The following RSU1 variants were observed in gnomAD, a reference collection of about 807,000 sequenced individuals.
RSU1 encodes rsu-1.
RSU1 carries 26 observed loss-of-function variants against 31.1 expected under a neutral mutation model. The observed-to-expected ratio is 0.84, with a 90% CI of 0.61 to 1.16. The LOEUF is 1.16. RSU1 is among the 50% of genes most tolerant of loss of function. RSU1 has a pLI of 0.00. For synonymous variants in RSU1, 164 were observed against 136.3 expected, an observed-to-expected ratio of 1.20 and a Z score of -1.41; for missense variants, 320 against 339.1, an observed-to-expected ratio of 0.94 and a Z score of 0.44.
At position 16,808,388 on chromosome 10, in the gene RSU1, G is replaced by T. The variant is rs551327875; in HGVS notation, c.109+8585C>A. 5.3e-5 allele frequency among the ~76,000 whole-genome samples: 8 copies of T among 151,568 alleles called. No individual in the cohort carries two copies. In the South Asian group the frequency reaches 1.5e-3, roughly 28 times the overall value. The stretch of plus-strand genomic sequence containing the variant: ...AATCCCAGCTACTTGGAAGCCTAAG[G>T]CAGGAGAATCGCTGGAACCTGGGAG... On this transcript the variant is annotated intron_variant, in intron 2 of 8. Coordinates refer to ENST00000345264, the MANE Select transcript of RSU1 (RefSeq NM_012425.4).
At chr10:16,792,768 C>T (rs1033811447) in intron 2 of RSU1, among the ~76,000 whole-genome samples, 3 of 152,208 alleles carry the variant, frequency 2.0e-5, no homozygotes, top group Non-Finnish European at 2.9e-5. Context: ...TGGATCTTAA[C>T]ATACAGCACG....
rs181460552 is a variant in RSU1 at position 16,768,688 on chromosome 10, G to A, written c.161-4178C>T. 3.3e-5 allele frequency among the ~76,000 whole-genome samples: 5 copies of A among 152,222 alleles called. No individual in the cohort carries two copies. The East Asian group carries it at 9.6e-4, about 29-fold the overall frequency. On this transcript the variant is annotated intron_variant, in intron 3 of 8. Transcript: ENST00000345264. Reference sequence around the variant, plus strand: ...AGCAGCAGTTCCGCCTAACACACCCGGCATGACCTTCTTTCCTTCAGGTCC... The same window carrying A: ...AGCAGCAGTTCCGCCTAACACACCCAGCATGACCTTCTTTCCTTCAGGTCC...
chr10:16,664,056 T>G (rs532901513), intron 8 of RSU1, among the ~76,000 whole-genome samples: 4 of 152,154 alleles, frequency 2.6e-5, no homozygotes, highest in Non-Finnish European at 4.4e-5. Flanking sequence ...GAACACTGTT[T>G]ATGGTACCAA....
chr10:16,690,826 G>A (rs1418448960), intron 8 of RSU1, among the ~76,000 whole-genome samples: 1 of 152,148 alleles, frequency 6.6e-6, no homozygotes, highest in African/African-American at 2.4e-5. Flanking sequence ...TTAGAAAAAA[G>A]CGGTTGGGGT....
chr10:16,659,301 C>G (rs199558884), intron 8 of RSU1, among the ~76,000 whole-genome samples: 5 of 100,788 alleles, frequency 5.0e-5, no homozygotes, highest in African/African-American at 1.1e-4. Flanking sequence ...AGGTTATATT[C>G]TTTTTTTTTT....
At chr10:16,752,888 AT>A in intron 6 of RSU1, 29 bp downstream of exon 6, 1 of 1,587,598 alleles carries the variant, frequency 6.3e-7, no homozygotes, top group South Asian at 1.1e-5. Flanking sequence ...CAGTGAATTG[AT>A]TTTCTAAGAA....
intron 7 of RSU1, among the ~76,000 whole-genome samples, chr10:16,730,434 C>G (rs971204742): frequency 1.3e-5 from 2 of 152,104 alleles, no homozygotes; most frequent in South Asian, 2.1e-4. Context: ...GAGAAGCCAC[C>G]CGGAAGAGAA....
intron 4 of RSU1, among the ~76,000 whole-genome samples, chr10:16,756,043 C>G (rs1837078015): frequency 6.6e-6 from 1 of 152,186 alleles, no homozygotes; most frequent in African/African-American, 2.4e-5. Flanking sequence ...AAAATATACA[C>G]ATGAAGCTTT....
At chr10:16,783,071 C>T (rs1401342712) in intron 2 of RSU1, among the ~76,000 whole-genome samples, 1 of 151,854 alleles carries the variant, frequency 6.6e-6, no homozygotes, top group Non-Finnish European at 1.5e-5. Flanking sequence ...CCACCATGCC[C>T]GGCTAATTTT....
chr10:16,759,589 G>C (rs1837166690), intron 4 of RSU1, among the ~76,000 whole-genome samples: 1 of 152,178 alleles, frequency 6.6e-6, no homozygotes, highest in South Asian at 2.1e-4. Flanking sequence ...TATGAGACAA[G>C]CTCTAGCAAC....
In RSU1 at chr10:16,752,899, A is replaced by T; in HGVS notation, c.483+19T>A. 2 of 1,604,908 alleles carry T rather than the reference A, an allele frequency of 1.2e-6. No individual in the cohort carries two copies. Among genetic ancestry groups the T allele is most frequent in the African/African-American group, 2.7e-5 (2 of 74,858 alleles). ...GCAGCAGTGAATTGATTTTCTAAGAATTTAGATAAATTACTTACTATCTGC... is the reference window on the plus strand; with the variant it reads ...GCAGCAGTGAATTGATTTTCTAAGATTTTAGATAAATTACTTACTATCTGC... On this transcript the variant is annotated intron_variant, in intron 6 of 8. Transcript: ENST00000345264.
chr10:16,765,880 C>G (rs1053022980), intron 3 of RSU1, among the ~76,000 whole-genome samples: 4 of 152,164 alleles, frequency 2.6e-5, no homozygotes, highest in African/African-American at 9.7e-5. Flanking sequence ...CCCGGGAGCA[C>G]CTGTGATTAG....
chr10:16,767,768 G>A (rs1837343172), intron 3 of RSU1, among the ~76,000 whole-genome samples: 1 of 152,164 alleles, frequency 6.6e-6, no homozygotes, highest in Non-Finnish European at 1.5e-5. Context: ...AGATAAAATA[G>A]GAGAGGCATG....
chr10:16,634,291 C>T (rs111359859), intron 8 of RSU1, among the ~76,000 whole-genome samples: 2 of 152,230 alleles, frequency 1.3e-5, no homozygotes, highest in African/African-American at 4.8e-5. Context: ...AGACAAAACA[C>T]TTGCCCAGCA....
intron 7 of RSU1, among the ~76,000 whole-genome samples, chr10:16,709,588 T>C (rs149666244): frequency 0.013 from 1,920 of 152,350 alleles, 48 homozygotes; most frequent in African/African-American, 0.043. Flanking sequence ...TCCACAATAG[T>C]TGAACTAGTT....
chr10:16,671,351 C>G (rs1326548450), intron 8 of RSU1, among the ~76,000 whole-genome samples: 1 of 152,050 alleles, frequency 6.6e-6, no homozygotes, highest in Non-Finnish European at 1.5e-5. Context: ...TTTGATAGCT[C>G]CCTTGCTTTC....
At chr10:16,725,311 G>A (rs1157557598) in intron 7 of RSU1, among the ~76,000 whole-genome samples, 2 of 152,102 alleles carry the variant, frequency 1.3e-5, no homozygotes, top group Non-Finnish European at 2.9e-5. Context: ...ATCACATTAA[G>A]GAAATTCAAT....
intron 8 of RSU1, among the ~76,000 whole-genome samples, chr10:16,638,324 C>T (rs894019430): frequency 1.3e-5 from 2 of 152,046 alleles, no homozygotes; most frequent in African/African-American, 4.8e-5. Context: ...GTGTGTAGTA[C>T]CTTTTAACAT....
In RSU1 at chr10:16,712,452, C is replaced by T. The variant is rs182909727; in HGVS notation, c.599-17297G>A. Reference sequence around the variant, plus strand: ...CGCGGTTTGGTGGTTTTCTGTGCTGCGAAGTTTTGTTTTCTTTCTCTTTAC... The same window carrying T: ...CGCGGTTTGGTGGTTTTCTGTGCTGTGAAGTTTTGTTTTCTTTCTCTTTAC... On this transcript the variant is annotated intron_variant, in intron 7 of 8. Transcript: ENST00000345264. Among the ~76,000 whole-genome samples, 8 of 152,050 alleles carry T rather than the reference C, an allele frequency of 5.3e-5. No homozygotes were observed. The East Asian group carries it at 1.2e-3, about 22-fold the overall frequency.
Sources: allele counts gnomAD v4.1 joint callset (sites outside exome capture counted in the v4.1 genomes callset), GRCh38; gene constraint gnomAD v4.1.1; transcripts MANE v1.5; gene names NCBI Gene and HGNC (gene_info 2026-07-23, HGNC 2026-07-21).